PLPPR1: variants seen among roughly 807,000 people sequenced by gnomAD.
PLPPR1 encodes the protein phospholipid phosphatase related 1.
PLPPR1 carries 10 observed loss-of-function variants against 33.1 expected under a neutral mutation model. The observed-to-expected ratio is 0.30, with a 90% CI of 0.19 to 0.51. PLPPR1 has a LOEUF of 0.51. Ranked by LOEUF, PLPPR1 falls within the 20% of genes least tolerant of loss-of-function variation. The pLI is 0.97. For synonymous variants in PLPPR1, 151 were observed against 151.0 expected (o/e 1.00, Z 0.00); for missense variants, 304 against 408.1 (o/e 0.74, Z 2.20).
At chr9:101,284,205 T>C (rs1358499891) in intron 3 of PLPPR1, among the ~76,000 whole-genome samples, 2 of 152,178 alleles carry the variant, frequency 1.3e-5, no homozygotes, top group Non-Finnish European at 2.9e-5. Flanking sequence ...GTTGCAGCAT[T>C]ATTCCCAATA....
chr9:101,244,281 G>GA (rs1827539321), intron 2 of PLPPR1, among the ~76,000 whole-genome samples: 1 of 151,534 alleles, frequency 6.6e-6, no homozygotes, highest in East Asian at 2.0e-4. Context: ...AAATTTAAAA[G>GA]AAAAAAAATC....
intron 1 of PLPPR1, among the ~76,000 whole-genome samples, chr9:101,166,562 G>C (rs555240491): frequency 6.6e-6 from 1 of 152,090 alleles, no homozygotes; most frequent in Non-Finnish European, 1.5e-5. Context: ...AAGATACAGA[G>C]TAAGTATCAG....
intron 1 of PLPPR1, among the ~76,000 whole-genome samples, chr9:101,155,590 TTCTC>T (rs933499602): frequency 2.7e-5 from 4 of 147,708 alleles, no homozygotes; most frequent in African/African-American, 5.0e-5. Flanking sequence ...TAAATTTCTT[TTCTC>T]TCTCTCTCTC....
At chr9:101,087,489 G>T (rs1327630138) in intron 1 of PLPPR1, among the ~76,000 whole-genome samples, 1 of 152,158 alleles carries the variant, frequency 6.6e-6, no homozygotes, top group African/African-American at 2.4e-5. Context: ...TTCTACCAAA[G>T]AAACGTTTAT....
At chr9:101,051,087 A>G (rs747584457) in intron 1 of PLPPR1, among the ~76,000 whole-genome samples, 1 of 152,080 alleles carries the variant, frequency 6.6e-6, no homozygotes, top group African/African-American at 2.4e-5. Flanking sequence ...ATCTCACTCT[A>G]TCGTCCCTTA....
chr9:101,251,302 C>T (rs117600603), intron 2 of PLPPR1, among the ~76,000 whole-genome samples: 32 of 152,070 alleles, frequency 2.1e-4, no homozygotes, highest in Non-Finnish European at 4.6e-4. Context: ...GTAGTTTAAA[C>T]TGTTGTAAAG....
At chr9:101,252,072 G>A (rs1320392768) in intron 2 of PLPPR1, among the ~76,000 whole-genome samples, 2 of 152,094 alleles carry the variant, frequency 1.3e-5, no homozygotes, top group Middle Eastern at 3.4e-3. Flanking sequence ...CTTACACTTC[G>A]TTCATGGTAT....
chr9:101,233,303 G>A (rs1827228046), intron 2 of PLPPR1, among the ~76,000 whole-genome samples: 1 of 151,938 alleles, frequency 6.6e-6, no homozygotes, highest in Non-Finnish European at 1.5e-5. Flanking sequence ...AAAGTGTAAT[G>A]ATTAAAAAAT....
At chr9:101,293,717 G>A (rs796869597) in intron 4 of PLPPR1, among the ~76,000 whole-genome samples, 161 of 152,096 alleles carry the variant, frequency 1.1e-3, no homozygotes, top group African/African-American at 3.5e-3. Flanking sequence ...GGTACATAAC[G>A]AAATGAAGGC....
At chr9:101,150,755 G>A (rs913106227) in intron 1 of PLPPR1, among the ~76,000 whole-genome samples, 2 of 152,148 alleles carry the variant, frequency 1.3e-5, no homozygotes, top group African/African-American at 4.8e-5. Flanking sequence ...AGAGCCACTC[G>A]GCTTGTTTCC....
intron 1 of PLPPR1, among the ~76,000 whole-genome samples, chr9:101,063,028 A>G (rs992451817): frequency 1.3e-5 from 2 of 152,060 alleles, no homozygotes; most frequent in African/African-American, 4.8e-5. Context: ...TGTTTTTCAT[A>G]TATCACAAGG....
intron 3 of PLPPR1, among the ~76,000 whole-genome samples, chr9:101,285,465 A>G (rs1386721678): frequency 6.6e-6 from 1 of 152,224 alleles, no homozygotes; most frequent in East Asian, 1.9e-4. Flanking sequence ...AGAATTTAGA[A>G]TGTAAATAAT....
At chr9:101,117,994 G>C (rs1018813475) in intron 1 of PLPPR1, among the ~76,000 whole-genome samples, 1 of 152,226 alleles carries the variant, frequency 6.6e-6, no homozygotes, top group Non-Finnish European at 1.5e-5. Flanking sequence ...GACAGAATGT[G>C]TAAGTTTAGC....
chr9:101,128,610 G>A (rs901692473), intron 1 of PLPPR1, among the ~76,000 whole-genome samples: 1 of 152,266 alleles, frequency 6.6e-6, no homozygotes, highest in Admixed American at 6.5e-5. Context: ...TGTTTTTTCT[G>A]TTGATGTGCC....
At chr9:101,319,787 G>T (rs1829121191) in intron 7 of PLPPR1, among the ~76,000 whole-genome samples, 1 of 152,082 alleles carries the variant, frequency 6.6e-6, no homozygotes, top group Non-Finnish European at 1.5e-5. Context: ...TCTATTTTGG[G>T]GTGGTAAAAT....
intron 2 of PLPPR1, among the ~76,000 whole-genome samples, chr9:101,246,258 C>G (rs1276662736): frequency 6.6e-6 from 1 of 151,402 alleles, no homozygotes; most frequent in East Asian, 2.0e-4. Flanking sequence ...CTTACCCACC[C>G]TAAGAAAGGA....
intron 1 of PLPPR1, among the ~76,000 whole-genome samples, chr9:101,116,550 C>A (rs1831120255): frequency 6.6e-6 from 1 of 152,136 alleles, no homozygotes; most frequent in Admixed American, 6.5e-5. Flanking sequence ...CGCAGTGGCT[C>A]ACGCCTGTAA....
chr9:101,251,400 G>A (rs938468145), intron 2 of PLPPR1, among the ~76,000 whole-genome samples: 2 of 152,098 alleles, frequency 1.3e-5, no homozygotes, highest in Non-Finnish European at 2.9e-5. Context: ...GCACAGCAGT[G>A]TTAGAAGTAT....
chr9:101,187,584 G>A (rs972546509), intron 2 of PLPPR1: 1 of 151,958 alleles, frequency 6.6e-6, no homozygotes, highest in African/African-American at 2.4e-5. Context: ...TGAGTGGGAA[G>A]GAGGTGAATC....
Sources: gnomAD v4.1 joint callset for allele counts (sites outside exome capture counted in the v4.1 genomes callset) on GRCh38, gnomAD v4.1.1 for gene constraint, MANE v1.5 for transcripts, NCBI Gene and HGNC (gene_info 2026-07-23, HGNC 2026-07-21) for gene names.